The following UNC5A variants were observed in gnomAD, a reference collection of about 807,000 sequenced individuals.
UNC5A encodes the protein unc-5 netrin receptor A.
UNC5A carries 20 observed loss-of-function variants against 87.4 expected under a neutral mutation model. The observed-to-expected ratio is 0.23, with a 90% CI of 0.16 to 0.33. UNC5A has a LOEUF of 0.33. Ranked by LOEUF, UNC5A falls within the 10% of genes least tolerant of loss-of-function variation. UNC5A has a pLI of 1.00. For synonymous variants in UNC5A, 438 were observed against 482.3 expected, an observed-to-expected ratio of 0.91 and a Z score of 1.20; for missense variants, 844 against 1,133.4, an observed-to-expected ratio of 0.74 and a Z score of 3.67.
chr5:176,811,002 C>A (rs575468403), intron 1 of UNC5A, among the ~76,000 whole-genome samples, 182 bp downstream of exon 1: 6 of 152,072 alleles, frequency 3.9e-5, no homozygotes, highest in African/African-American at 1.4e-4. Context: ...GCGCGCTCTC[C>A]CGGAAGCCTG....
intron 1 of UNC5A, among the ~76,000 whole-genome samples, chr5:176,826,294 G>A (rs1225344084): frequency 6.6e-6 from 1 of 152,186 alleles, no homozygotes; most frequent in Non-Finnish European, 1.5e-5. Context: ...AGAATGACTG[G>A]GCCTGGGCTA....
chr5:176,826,309 G>A (rs1756851679), intron 1 of UNC5A, among the ~76,000 whole-genome samples: 1 of 152,206 alleles, frequency 6.6e-6, no homozygotes, highest in South Asian at 2.1e-4. Flanking sequence ...GGGCTATCAT[G>A]GAGCGGATCC....
chr5:176,837,563 G>T (rs1034242202), intron 1 of UNC5A, among the ~76,000 whole-genome samples: 3 of 152,290 alleles, frequency 2.0e-5, no homozygotes, highest in East Asian at 1.9e-4. Flanking sequence ...CAGGAAATAG[G>T]CACGCTTGGG....
chr5:176,811,940 A>G (rs1379481051), intron 1 of UNC5A, among the ~76,000 whole-genome samples: 3 of 152,144 alleles, frequency 2.0e-5, no homozygotes, highest in Non-Finnish European at 2.9e-5. Context: ...GTGGGAGCTC[A>G]GGAGCCAGCC....
intron 1 of UNC5A, among the ~76,000 whole-genome samples, chr5:176,846,195 C>G (rs890533990): frequency 1.3e-5 from 2 of 152,088 alleles, no homozygotes; most frequent in Non-Finnish European, 2.9e-5. Flanking sequence ...GCCTGGCACT[C>G]TCCAGGAGAG....
At position 176,877,227 on chromosome 5, in the gene UNC5A, C is replaced by G. The variant is rs750085350; in HGVS notation, c.1414C>G (p.Arg472Gly). The G allele has an allele frequency of 5.0e-6, 8 of 1,612,866 alleles. No individual in the cohort carries two copies. The highest frequency in any genetic ancestry group is 6.8e-6 in the Non-Finnish European group (8 of 1,179,742). The change falls in exon 9 of 15, where the codon CGA becomes GGA. Residue 472 changes from arginine (R) to glycine (G), a missense_variant. By Grantham distance (125) the Arg-to-Gly change is moderately radical (BLOSUM62 -2). Transcript: ENST00000329542. ...CCTCATCCCCCCAGATGCCATACCC[C>G]GAGGGAAGATCTATGAGATCTACCT... is the stretch of plus-strand genomic sequence containing the variant. ...SLLIPPDAIP[R>G]GKIYEIYLTL...
chr5:176,847,035 G>T (rs1444077376), intron 1 of UNC5A, among the ~76,000 whole-genome samples: 1 of 152,122 alleles, frequency 6.6e-6, no homozygotes, highest in East Asian at 1.9e-4. Flanking sequence ...GAGCAGCACA[G>T]CCCCTTGCCG....
chr5:176,819,484 TC>T (rs1756676261), intron 1 of UNC5A, among the ~76,000 whole-genome samples: 1 of 152,124 alleles, frequency 6.6e-6, no homozygotes, highest in Admixed American at 6.5e-5. Context: ...CCAAGATCCT[TC>T]CCTCATCTCT....
intron 1 of UNC5A, among the ~76,000 whole-genome samples, chr5:176,847,812 C>T (rs1457157801): frequency 1.8e-4 from 27 of 152,170 alleles, no homozygotes; most frequent in Admixed American, 1.8e-3. Context: ...CCCAAAGAGG[C>T]CCCTGGCCCT....
chr5:176,819,361 G>A (rs1196644984), intron 1 of UNC5A, among the ~76,000 whole-genome samples: 1 of 151,894 alleles, frequency 6.6e-6, no homozygotes, highest in Non-Finnish European at 1.5e-5. Flanking sequence ...ACTCACACTG[G>A]CTTAAGGAAA....
chr5:176,868,904 T>C lies in UNC5A; in HGVS notation c.661T>C (p.Cys221Arg). 1 of 1,612,624 alleles carries C rather than the reference T, an allele frequency of 6.2e-7. No homozygotes were observed. Among genetic ancestry groups the C allele is most frequent in the Non-Finnish European group, 8.5e-7 (1 of 1,179,744 alleles). ...ARLADTANYT[C>R]VAKNIVARRR... ...CCTTGCTGACACGGCCAACTACACC[T>C]GCGTGGCCAAGAACATCGTGGCACG... Residue 221 changes from cysteine to arginine, a missense_variant, in exon 5 of 15, where the codon TGC (cysteine) becomes CGC (arginine). Around this residue, in one of 3 missense-constraint regions of UNC5A, gnomAD observed 314 missense variants for 466.5 expected, o/e 0.67. Coordinates refer to ENST00000329542, the MANE Select transcript of UNC5A (RefSeq NM_133369.3).
chr5:176,861,676 C>G (rs1425049473), intron 1 of UNC5A, among the ~76,000 whole-genome samples: 4 of 152,340 alleles, frequency 2.6e-5, no homozygotes, highest in African/African-American at 9.6e-5. Context: ...CAGCTGTCAT[C>G]TCCATCTCAC....
At chr5:176,812,806 G>T (rs964643529) in intron 1 of UNC5A, among the ~76,000 whole-genome samples, 1 of 152,126 alleles carries the variant, frequency 6.6e-6, no homozygotes, top group African/African-American at 2.4e-5. Flanking sequence ...GCCATGGGGT[G>T]GGGAGGGGCT....
intron 1 of UNC5A, among the ~76,000 whole-genome samples, chr5:176,850,530 T>G: frequency 6.7e-6 from 1 of 149,268 alleles, no homozygotes; most frequent in Non-Finnish European, 1.5e-5. Context: ...AGAAGGAGAG[T>G]CGGGATGGCG....
chr5:176,857,540 C>T (rs984597690), intron 1 of UNC5A, among the ~76,000 whole-genome samples: 1 of 152,158 alleles, frequency 6.6e-6, no homozygotes, highest in Non-Finnish European at 1.5e-5. Context: ...CATGCGCACA[C>T]ACACACACGC....
intron 1 of UNC5A, 98 bp from the exon 2 acceptor site, chr5:176,862,526 C>A: frequency 8.8e-7 from 1 of 1,133,846 alleles, no homozygotes; most frequent in Non-Finnish European, 1.3e-6. Flanking sequence ...ACTCTCCTCC[C>A]ATCTGCCCCA....
intron 6 of UNC5A, among the ~76,000 whole-genome samples, chr5:176,871,776 C>A (rs1175916475): frequency 4.4e-5 from 3 of 68,400 alleles, no homozygotes; most frequent in African/African-American, 1.2e-4. Context: ...TCGCCCAACA[C>A]CACAGCTTCA....
Position 176,877,269 on chromosome 5 carries a change from G to A in UNC5A, c.1456G>A (p.Glu486Lys), listed in dbSNP as rs746074380. The change falls in exon 9 of 15, where the codon GAA becomes AAA. Residue 486 changes from glutamate (E) to lysine (K), a missense_variant. By Grantham distance (56) the Glu-to-Lys change is moderately conservative. This residue lies in a region of UNC5A where 353 missense variants were observed against 387.5 expected (regional missense o/e 0.91). Transcript: ENST00000329542. ...GATCTACCTCACGCTGCACAAGCCG[G>A]AAGACGTGAGGTGTGGCCGCGGGCC... The part of the protein sequence containing the change: ...YEIYLTLHKP[E>K]DVRLPLAGCQ... 6.2e-7 allele frequency: 1 copy of A among 1,612,338 alleles called. No individual in the cohort carries two copies. The highest frequency in any genetic ancestry group is 1.1e-5 in the South Asian group (1 of 91,078).
At chr5:176,858,597 C>T (rs11135004) in intron 1 of UNC5A, among the ~76,000 whole-genome samples, 99,935 of 151,652 alleles carry the variant, frequency 0.66, 36,066 homozygotes, top group Non-Finnish European at 0.81. Context: ...GTGGGGACTA[C>T]GGCAAACTAG....
Sources: gnomAD v4.1 joint callset for allele counts (sites outside exome capture counted in the v4.1 genomes callset) on GRCh38, gnomAD v4.1.1 for gene constraint, gnomAD v4.1.1 regional missense constraint, MANE v1.5 for transcripts, NCBI Gene and HGNC (gene_info 2026-07-23, HGNC 2026-07-21) for gene names.